PPARGC1A: variants seen among roughly 807,000 people sequenced by gnomAD.
The protein encoded by PPARGC1A is PPARG coactivator 1 alpha, also known as peroxisome proliferator-activated receptor gamma coactivator 1-alpha.
Under a neutral mutation model 88.7 loss-of-function variants are expected in PPARGC1A, and 25 were observed. The observed-to-expected ratio is 0.28, with a 90% CI of 0.21 to 0.39. PPARGC1A has a LOEUF of 0.39. Ranked by LOEUF, PPARGC1A falls within the 10% of genes least tolerant of loss-of-function variation. The probability of loss-of-function intolerance (pLI) is 1.00; values close to 1 mark genes in which losing one functional copy is unlikely to be tolerated. For synonymous variants in PPARGC1A, 363 were observed against 355.6 expected (o/e 1.02, Z -0.24); for missense variants, 880 against 968.7 (o/e 0.91, Z 1.22).
rs1461518116 is a variant in PPARGC1A, at chr4:23,795,807, C to T, written c.*15G>A. The T allele has an allele frequency of 1.3e-6, 2 of 1,590,428 alleles. No homozygotes were observed. The highest frequency in any genetic ancestry group is 2.2e-5 in the East Asian group (1 of 44,612). On this transcript the variant is annotated 3_prime_UTR_variant, in exon 13 of 13. Coordinates refer to ENST00000264867, the MANE Select transcript of PPARGC1A (RefSeq NM_013261.5). ...GTATTCGCCATCCCTCTGTCATCCT[C>T]AGCTAGGGAACATGTTACCTGCGCA...
At chr4:23,840,154 A>T (rs1261633009) in intron 2 of PPARGC1A, among the ~76,000 whole-genome samples, 1 of 152,178 alleles carries the variant, frequency 6.6e-6, no homozygotes, top group East Asian at 1.9e-4. Flanking sequence ...TAAAAGCTAA[A>T]TCTTAAGAGT....
chr4:24,395,819 G>A, the PPARGC1A span, among the ~76,000 whole-genome samples: 1 of 152,176 alleles, frequency 6.6e-6, no homozygotes, highest in African/African-American at 2.4e-5. Flanking sequence ...GTAAGTGGCA[G>A]GGCCTGGAAG....
At chr4:24,160,888 C>T in the PPARGC1A span, among the ~76,000 whole-genome samples, 139 of 152,264 alleles carry the variant, frequency 9.1e-4, no homozygotes, top group African/African-American at 2.8e-3. Flanking sequence ...CTATGGCTAC[C>T]GGTAGCCAAT....
At chr4:24,192,548 C>A in the PPARGC1A span, among the ~76,000 whole-genome samples, 1 of 152,168 alleles carries the variant, frequency 6.6e-6, no homozygotes, top group African/African-American at 2.4e-5. Flanking sequence ...TTTGTGAAAT[C>A]TTCCCCAAAA....
At chr4:24,116,472 T>C in the PPARGC1A span, among the ~76,000 whole-genome samples, 1 of 152,206 alleles carries the variant, frequency 6.6e-6, no homozygotes, top group Admixed American at 6.5e-5. Flanking sequence ...TAACAAGATT[T>C]CTAAAAGCAA....
the PPARGC1A span, among the ~76,000 whole-genome samples, chr4:24,243,983 T>G: frequency 1.3e-5 from 2 of 152,246 alleles, no homozygotes; most frequent in African/African-American, 4.8e-5. Context: ...GGGTTCAGAT[T>G]AATGGCGTGT....
chr4:24,031,645 C>T, the PPARGC1A span, among the ~76,000 whole-genome samples: 1 of 152,100 alleles, frequency 6.6e-6, no homozygotes, highest in African/African-American at 2.4e-5. Flanking sequence ...ACACATTGTT[C>T]GATGTTTAAC....
the PPARGC1A span, among the ~76,000 whole-genome samples, chr4:24,354,691 A>C: frequency 0.037 from 5,653 of 152,132 alleles, 148 homozygotes; most frequent in Middle Eastern, 0.079. Context: ...TCAAGACCAT[A>C]CTGGCTAACA....
chr4:24,141,543 A>G, the PPARGC1A span, among the ~76,000 whole-genome samples: 2 of 152,252 alleles, frequency 1.3e-5, no homozygotes, highest in Non-Finnish European at 2.9e-5. Context: ...ATGCCATTCA[A>G]GGAATTGCTT....
the PPARGC1A span, among the ~76,000 whole-genome samples, chr4:24,093,596 A>G: frequency 7.2e-5 from 11 of 152,340 alleles, no homozygotes; most frequent in African/African-American, 2.6e-4. Flanking sequence ...ACTAGTCTCA[A>G]TGGAAGCCTC....
the PPARGC1A span, among the ~76,000 whole-genome samples, chr4:24,248,224 A>C: frequency 6.6e-6 from 1 of 152,046 alleles, no homozygotes; most frequent in African/African-American, 2.4e-5. Context: ...TCCCGGGTTC[A>C]CGCCATTCTC....
chr4:23,835,456 G>C (rs1725835475), intron 2 of PPARGC1A, among the ~76,000 whole-genome samples: 1 of 146,984 alleles, frequency 6.8e-6, no homozygotes, highest in Non-Finnish European at 1.5e-5. Flanking sequence ...TGGGAGATTA[G>C]CATGGCGGCT....
the PPARGC1A span, among the ~76,000 whole-genome samples, chr4:24,168,996 A>G: frequency 6.6e-6 from 1 of 152,216 alleles, no homozygotes. Flanking sequence ...AGATAAGAGA[A>G]TAACTGTGCA....
At chr4:24,230,072 C>T in the PPARGC1A span, among the ~76,000 whole-genome samples, 1 of 152,128 alleles carries the variant, frequency 6.6e-6, no homozygotes, top group Non-Finnish European at 1.5e-5. Context: ...GTTCTAACCC[C>T]GTTTTCAAAT....
intron 2 of PPARGC1A, among the ~76,000 whole-genome samples, chr4:23,836,394 G>T (rs1247674289): frequency 6.6e-6 from 1 of 152,134 alleles, no homozygotes. Context: ...CTAAATAAAG[G>T]TCTGTGTGAC....
chr4:23,816,088 C>G (rs1024479555), intron 7 of PPARGC1A, among the ~76,000 whole-genome samples: 2 of 152,134 alleles, frequency 1.3e-5, no homozygotes, highest in African/African-American at 2.4e-5. Context: ...TTTTATTATT[C>G]AAAGCTAATT....
chr4:24,290,551 G>A, the PPARGC1A span, among the ~76,000 whole-genome samples: 1 of 152,138 alleles, frequency 6.6e-6, no homozygotes, highest in Non-Finnish European at 1.5e-5. Flanking sequence ...CAAATAAAGT[G>A]CTGAACACGG....
the PPARGC1A span, among the ~76,000 whole-genome samples, chr4:24,175,313 A>G: frequency 1.3e-5 from 2 of 151,704 alleles, no homozygotes; most frequent in Non-Finnish European, 2.9e-5. Context: ...ATTTTGTGAT[A>G]ACAACCATTG....
At chr4:24,399,179 TTCCTA>T in the PPARGC1A span, among the ~76,000 whole-genome samples, 1 of 152,132 alleles carries the variant, frequency 6.6e-6, no homozygotes, top group Non-Finnish European at 1.5e-5. Flanking sequence ...AGCTTCCACC[TTCCTA>T]TCTGTTTTTA....
Sources: gnomAD v4.1 joint callset for allele counts (sites outside exome capture counted in the v4.1 genomes callset) on GRCh38, gnomAD v4.1.1 for gene constraint, MANE v1.5 for transcripts, NCBI Gene and HGNC (gene_info 2026-07-23, HGNC 2026-07-21) for gene names.